TMEM74B: variants seen among roughly 807,000 people sequenced by gnomAD.
TMEM74B encodes the protein transmembrane protein 74B, also known as transmembrane protein C20orf46.
In TMEM74B, 7 loss-of-function variants were observed where a neutral mutation model predicts 6.5. The observed-to-expected ratio is 1.07, with a 90% CI of 0.61 to 2.01. The LOEUF is 2.01. Ranked by LOEUF, TMEM74B falls within the 30% of genes most tolerant of loss-of-function variation. The pLI, the probability that TMEM74B is intolerant of heterozygous loss-of-function variation, is 0.00. For synonymous variants in TMEM74B, 151 were observed against 151.6 expected, an observed-to-expected ratio of 1.00 and a Z score of 0.03; for missense variants, 342 against 337.0, an observed-to-expected ratio of 1.01 and a Z score of -0.12.
In TMEM74B at chr20:1,180,675, TG is replaced by T; in HGVS notation, c.*172del. 2 of 803,810 alleles carry T rather than the reference TG, an allele frequency of 2.5e-6. No homozygotes were observed. The highest frequency in any genetic ancestry group is 3.7e-5 in the Admixed American group (1 of 27,140). 49.8% of individuals were successfully genotyped at this position (803,810 alleles called of 1,614,324 possible). ...CAGATCAGTGGGCTGCTTGCCCGTG[TG>T]GGGCATGGGCTGGGCCCCGAGCTCT... On this transcript the variant is annotated 3_prime_UTR_variant, in exon 3 of 3. Transcript: ENST00000429036. This position sits in a 1 kb window ranked among gnomAD's most constrained non-coding sequence, Gnocchi z 6.1.
chr20:1,185,817 C>CCCCCCA (rs2087011342), upstream of TMEM74B, among the ~76,000 whole-genome samples: 2 of 131,370 alleles, frequency 1.5e-5, no homozygotes, highest in South Asian at 2.9e-4. Flanking sequence ...ACTTCCCCTT[C>CCCCCCA]CCCCCACCCC....
At position 1,183,802 on chromosome 20, in the gene TMEM74B, C is replaced by T; in HGVS notation, c.-1G>A. 6.2e-7 allele frequency: 1 copy of T among 1,613,952 alleles called. No individual in the cohort carries two copies. Among genetic ancestry groups the T allele is most frequent in the Non-Finnish European group, 8.5e-7 (1 of 1,179,966 alleles). Reference sequence around the variant, plus strand: ...ACTCATACCCCTGTGCTGGTGGCATCACTCCACCAGCCTTCCCTGGCTCTG... The same window carrying T: ...ACTCATACCCCTGTGCTGGTGGCATTACTCCACCAGCCTTCCCTGGCTCTG... On this transcript the variant is annotated 5_prime_UTR_variant, in exon 2 of 3. Transcript: ENST00000429036.
At chr20:1,188,100 T>G (rs2087041076), upstream of TMEM74B, among the ~76,000 whole-genome samples, 1 of 151,926 alleles carries the variant, frequency 6.6e-6, no homozygotes, top group South Asian at 2.1e-4. Context: ...TGAACTCATG[T>G]TTAGCTTAAT....
Position 1,180,682 on chromosome 20 carries a change from T to TG in TMEM74B, c.*165dup, listed in dbSNP as rs1472812253. 4 of 896,192 alleles carry TG rather than the reference T, an allele frequency of 4.5e-6. No homozygotes were observed. The East Asian group carries it at 1.2e-4, about 27-fold the overall frequency. 55.5% of individuals were successfully genotyped at this position (896,192 alleles called of 1,614,324 possible). A position where few individuals can be genotyped will look rare whatever the true frequency, so the allele number is the denominator to read the frequency against. On this transcript the variant is annotated 3_prime_UTR_variant, in exon 3 of 3. Coordinates refer to ENST00000429036, the MANE Select transcript of TMEM74B (RefSeq NM_001304748.2). The surrounding 1 kb of genome is among the most constrained non-coding windows in gnomAD (Gnocchi z 6.1). ...GTGGGCTGCTTGCCCGTGTGGGGCA[T>TG]GGGCTGGGCCCCGAGCTCTCCCTCC...
In TMEM74B at chr20:1,181,442, C is replaced by T; in HGVS notation, c.177G>A (p.Val59=). 2 of 1,516,996 alleles carry T rather than the reference C, an allele frequency of 1.3e-6. No individual in the cohort carries two copies. Among genetic ancestry groups the T allele is most frequent in the Non-Finnish European group, 1.8e-6 (2 of 1,133,246 alleles). The allele number at this position is 1,516,996 out of a possible 1,614,324, so 94.0% of individuals were successfully genotyped here. A position where few individuals can be genotyped will look rare whatever the true frequency, so the allele number is the denominator to read the frequency against. Residue 59 remains valine (V), a synonymous_variant, in exon 3 of 3, where the codon GTG becomes GTA. Transcript: ENST00000429036. This position sits in a 1 kb window ranked among gnomAD's most constrained non-coding sequence, Gnocchi z 4.9. ...LGPVAPTREG[V]ENACFSSEEH... ...CCTCTGAGGAGAAGCAGGCATTCTC[C>T]ACACCCTCCCTGGTTGGGGCCACTG...
upstream of TMEM74B, among the ~76,000 whole-genome samples, chr20:1,188,629 CAT>C (rs911789805): frequency 6.7e-6 from 1 of 149,000 alleles, no homozygotes; most frequent in Non-Finnish European, 1.5e-5. Flanking sequence ...ACACCACACA[CAT>C]ACACTACCTA....
rs2086850732 is a variant in TMEM74B, at chr20:1,181,087, T to C, written c.532A>G (p.Ile178Val). The C allele has an allele frequency of 3.1e-6, 5 of 1,613,788 alleles. No homozygotes were observed. Among genetic ancestry groups the C allele is most frequent in the Non-Finnish European group, 4.2e-6 (5 of 1,179,968 alleles). Residue 178 changes from isoleucine to valine, a missense_variant, in exon 3 of 3, where the codon ATC (isoleucine) becomes GTC (valine). Physicochemically the swap from Ile to Val is conservative, Grantham distance 29. Coordinates refer to ENST00000429036, the MANE Select transcript of TMEM74B (RefSeq NM_001304748.2). The surrounding 1 kb of genome is among the most constrained non-coding windows in gnomAD (Gnocchi z 4.9). Reference sequence around the variant, plus strand: ...ACCGTGAGCAGCCCGAGGCCTGCGATGATGCACCTGTCCAGGTGGGAGCCT... The same window carrying C: ...ACCGTGAGCAGCCCGAGGCCTGCGACGATGCACCTGTCCAGGTGGGAGCCT... ...RLGSHLDRCI[I>V]AGLGLLTVGG... is the part of the protein sequence containing the mutation.
intron 2 of TMEM74B, among the ~76,000 whole-genome samples, chr20:1,182,679 T>A (rs1248044090): frequency 2.0e-5 from 3 of 151,990 alleles, no homozygotes; most frequent in African/African-American, 7.3e-5. Context: ...AGAGGGACAC[T>A]CTCTGTGCTG....
intron 2 of TMEM74B, among the ~76,000 whole-genome samples, chr20:1,183,497 G>A (rs1314309161): frequency 6.6e-6 from 1 of 152,090 alleles, no homozygotes; most frequent in Non-Finnish European, 1.5e-5. Context: ...TTTCATGTGA[G>A]TACAAAGCTC....
chr20:1,182,235 A>G (rs1046640095), intron 2 of TMEM74B, among the ~76,000 whole-genome samples: 20 of 152,146 alleles, frequency 1.3e-4, no homozygotes, highest in African/African-American at 4.8e-4. Flanking sequence ...AACAAAGAGG[A>G]AGGGAAGTTT....
upstream of TMEM74B, among the ~76,000 whole-genome samples, chr20:1,187,340 G>T (rs2087034848): frequency 6.6e-6 from 1 of 152,134 alleles, no homozygotes; most frequent in African/African-American, 2.4e-5. Flanking sequence ...CCTCCCTGCA[G>T]TATCCCCAGA....
rs775600991 is a variant in TMEM74B at position 1,180,956 on chromosome 20, G to A, written c.663C>T (p.Gly221=). ...VPGKGSRKTY[G]SINLRMRQLN... Reference sequence around the variant, plus strand: ...GCTGTCTCATGCGCAGGTTAATGGAGCCGTAGGTCTTCCTGGAGCCCTTGC... The same window carrying A: ...GCTGTCTCATGCGCAGGTTAATGGAACCGTAGGTCTTCCTGGAGCCCTTGC... The change falls in exon 3 of 3, where the codon GGC becomes GGT. Residue 221 remains glycine (G), a synonymous_variant. Transcript: ENST00000429036. This position sits in a 1 kb window ranked among gnomAD's most constrained non-coding sequence, Gnocchi z 6.1. 6.2e-6 allele frequency: 10 copies of A among 1,614,062 alleles called. No individual in the cohort carries two copies. The highest frequency in any genetic ancestry group is 2.2e-5 in the East Asian group (1 of 44,886).
At chr20:1,182,736 A>G (rs557818399) in intron 2 of TMEM74B, among the ~76,000 whole-genome samples, 1 of 152,334 alleles carries the variant, frequency 6.6e-6, no homozygotes, top group African/African-American at 2.4e-5. Flanking sequence ...ACCCACCCAG[A>G]CACAGACAGC....
At chr20:1,183,320 G>GTA (rs1568496261) in intron 2 of TMEM74B, among the ~76,000 whole-genome samples, 43 of 143,804 alleles carry the variant, frequency 3.0e-4, no homozygotes, top group Admixed American at 2.4e-3. Context: ...GTGTGTTTGT[G>GTA]TGTGTGTGTG....
chr20:1,187,723 G>A (rs1317270745), upstream of TMEM74B, among the ~76,000 whole-genome samples: 2 of 152,174 alleles, frequency 1.3e-5, no homozygotes, highest in African/African-American at 4.8e-5. Flanking sequence ...TGGGGTAGAA[G>A]GAAGTGTGTG....
At position 1,181,145 on chromosome 20, in the gene TMEM74B, C is replaced by T; in HGVS notation, c.474G>A (p.Glu158=). The stretch of plus-strand genomic sequence containing the variant: ...CGTAGTACATCTCCAGTCGTTCCAT[C>T]TCCCGCGCTGTCACTGTGTCCGGAT... ...RVNPDTVTAR[E]MERLEMYYAR... is the part of the protein sequence containing the mutation. The change falls in exon 3 of 3, where the codon GAG becomes GAA. Residue 158 remains glutamate (E), a synonymous_variant. Transcript: ENST00000429036. The surrounding 1 kb of genome is among the most constrained non-coding windows in gnomAD (Gnocchi z 4.9). 1.2e-6 allele frequency: 2 copies of T among 1,614,192 alleles called. No homozygotes were observed. Among genetic ancestry groups the T allele is most frequent in the Non-Finnish European group, 1.7e-6 (2 of 1,180,038 alleles).
chr20:1,183,604 T>C (rs1374009950), intron 2 of TMEM74B, among the ~76,000 whole-genome samples, 167 bp downstream of exon 2: 1 of 152,132 alleles, frequency 6.6e-6, no homozygotes, highest in Admixed American at 6.6e-5. Flanking sequence ...TTGAGCCATG[T>C]ACCCGACACT....
In TMEM74B at chr20:1,181,012, C is replaced by G. The variant is rs559839438; in HGVS notation, c.607G>C (p.Glu203Gln). ...VLLMVSLCKG[E>Q]LYRRRTFVPG... ...ACGAAGGTCCTCCGGCGGTACAGCTCGCCCTTGCACAGGGAGACCATGAGC... is the reference window on the plus strand; with the variant it reads ...ACGAAGGTCCTCCGGCGGTACAGCTGGCCCTTGCACAGGGAGACCATGAGC... The change falls in exon 3 of 3, where the codon GAG (glutamate) becomes CAG (glutamine). Residue 203 changes from glutamate (E) to glutamine (Q), a missense_variant. Transcript: ENST00000429036. The surrounding 1 kb of genome is among the most constrained non-coding windows in gnomAD (Gnocchi z 4.9). The G allele has an allele frequency of 2.5e-6, 4 of 1,613,840 alleles. No homozygotes were observed. The East Asian group carries it at 8.9e-5, about 36-fold the overall frequency.
rs896973623 is a variant in TMEM74B at position 1,180,759 on chromosome 20, C to A, written c.*89G>T. The A allele has an allele frequency of 2.0e-6, 3 of 1,501,418 alleles. No individual in the cohort carries two copies. The highest frequency in any genetic ancestry group is 2.8e-5 in the African/African-American group (2 of 71,510). 93.0% of individuals were successfully genotyped at this position (1,501,418 alleles called of 1,614,324 possible). A position where few individuals can be genotyped will look rare whatever the true frequency, so the allele number is the denominator to read the frequency against. ...CCTATGTGAGCTCAGTTTAAAACCC[C>A]AGGGCCTTGGCAGGGGTCAGGTGGG... On this transcript the variant is annotated 3_prime_UTR_variant, in exon 3 of 3. Transcript: ENST00000429036. This position sits in a 1 kb window ranked among gnomAD's most constrained non-coding sequence, Gnocchi z 6.1.
Sources: allele counts gnomAD v4.1 joint callset (sites outside exome capture counted in the v4.1 genomes callset), GRCh38; gene constraint gnomAD v4.1.1; non-coding constraint Gnocchi (gnomAD v3.1); transcripts MANE v1.5; gene names NCBI Gene and HGNC (gene_info 2026-07-23, HGNC 2026-07-21).